Variants in PRPSAP2 observed in about 807,000 individuals in gnomAD.
PRPSAP2 encodes phosphoribosyl pyrophosphate synthetase associated protein 2.
PRPSAP2 carries 24 observed loss-of-function variants against 40.6 expected under a neutral mutation model. That is an observed-to-expected ratio of 0.59 (90% confidence interval 0.43 to 0.83). The LOEUF (loss-of-function observed/expected upper bound fraction) is 0.83. Among genes scored for constraint, PRPSAP2 ranks in the 40% least tolerant of loss-of-function variants. PRPSAP2 has a pLI of 0.00. For missense variants in PRPSAP2, 292 were observed against 465.6 expected (o/e 0.63, Z 3.43); for synonymous variants, 149 against 164.7 (o/e 0.90, Z 0.73).
chr17:18,877,117 A>C (rs183130015), intron 5 of PRPSAP2, among the ~76,000 whole-genome samples: 4 of 152,334 alleles, frequency 2.6e-5, no homozygotes, highest in African/African-American at 7.2e-5. Context: ...AGAGAGGGGC[A>C]TTCTGGAAGC....
rs549429271 is a variant in PRPSAP2 at position 18,862,875 on chromosome 17, C to T, written c.-128-2594C>T. Among the ~76,000 whole-genome samples, 28 of 151,746 alleles carry T rather than the reference C, an allele frequency of 1.8e-4. No homozygotes were observed. In the East Asian group the frequency reaches 4.8e-3, roughly 26 times the overall value. On this transcript the variant is annotated intron_variant, in intron 1 of 11. Coordinates refer to ENST00000268835, the MANE Select transcript of PRPSAP2 (RefSeq NM_002767.4). ...TCGCTCTGTCTCCCAGGCTGGAGTGCAGTGGCATGATCTCAGCTCACTGCC... is the reference window on the plus strand; with the variant it reads ...TCGCTCTGTCTCCCAGGCTGGAGTGTAGTGGCATGATCTCAGCTCACTGCC...
chr17:18,918,076 A>G (rs1443355998), intron 9 of PRPSAP2, among the ~76,000 whole-genome samples: 2 of 151,962 alleles, frequency 1.3e-5, no homozygotes, highest in East Asian at 3.9e-4. Context: ...AATAGAGGGA[A>G]AAAAAAACCA....
At chr17:18,896,580 CTTTTTT>C (rs58391876) in intron 8 of PRPSAP2, among the ~76,000 whole-genome samples, 20 of 104,762 alleles carry the variant, frequency 1.9e-4, no homozygotes, top group Middle Eastern at 6.4e-3. Context: ...CCAGATTTTC[CTTTTTT>C]TTTTTTTTTT....
chr17:18,908,275 G>A, intron 8 of PRPSAP2: 1 of 769,808 alleles, frequency 1.3e-6, no homozygotes, highest in East Asian at 2.4e-5. Context: ...CGCTTTCGCA[G>A]CACGCCAAGG....
chr17:18,926,659 C>A (rs533628178), intron 10 of PRPSAP2, among the ~76,000 whole-genome samples: 1 of 152,294 alleles, frequency 6.6e-6, no homozygotes, highest in Non-Finnish European at 1.5e-5. Context: ...CCTGTGTATT[C>A]ATTACCCAGC....
At position 18,865,964 on chromosome 17, in the gene PRPSAP2, T is replaced by G. The variant is rs2037394363; in HGVS notation, c.119+12T>G. On this transcript the variant is annotated intron_variant, in intron 3 of 11. Transcript: ENST00000268835. ...AAGAAAATTGCAGAGTGAGTTATAA[T>G]TGTACCATTAAAATCTATATTCATT... The G allele has an allele frequency of 7.1e-7, 1 of 1,401,658 alleles. No individual in the cohort carries two copies. Among genetic ancestry groups the G allele is most frequent in the Non-Finnish European group, 9.4e-7 (1 of 1,058,878 alleles). The allele number at this position is 1,401,658 out of a possible 1,614,324, so 86.8% of individuals were successfully genotyped here.
intron 3 of PRPSAP2, among the ~76,000 whole-genome samples, chr17:18,867,071 G>A (rs1050720614): frequency 4.6e-5 from 7 of 152,112 alleles, no homozygotes; most frequent in African/African-American, 1.2e-4. Flanking sequence ...CAGGCAGAGC[G>A]GGACTGCATA....
chr17:18,894,595 C>T (rs746986908), intron 8 of PRPSAP2, among the ~76,000 whole-genome samples: 43 of 150,718 alleles, frequency 2.9e-4, no homozygotes, highest in Non-Finnish European at 5.5e-4. Context: ...TTCTCTGCCT[C>T]ACCTCCTGAG....
intron 11 of PRPSAP2, among the ~76,000 whole-genome samples, chr17:18,929,989 G>A (rs1026305748): frequency 3.3e-5 from 5 of 152,242 alleles, no homozygotes; most frequent in Admixed American, 3.3e-4. Context: ...AGTTGGGGGG[G>A]GGCTCCAGTT....
At chr17:18,913,010 G>A (rs2041057988) in intron 9 of PRPSAP2, among the ~76,000 whole-genome samples, 1 of 152,252 alleles carries the variant, frequency 6.6e-6, no homozygotes. Context: ...CACTCCCACA[G>A]CTTTGCTGGG....
rs183698245 is a variant in PRPSAP2 at position 18,865,167 on chromosome 17, G to C, written c.-128-302G>C. On this transcript the variant is annotated intron_variant, in intron 1 of 11. Coordinates refer to ENST00000268835, the MANE Select transcript of PRPSAP2 (RefSeq NM_002767.4). The stretch of plus-strand genomic sequence containing the variant: ...ACCAGCACTGATGATTTATAAGCCA[G>C]GGACCTTTTTATTTTTGGCCCACTG... Among the ~76,000 whole-genome samples, 3 of 152,236 alleles carry C rather than the reference G, an allele frequency of 2.0e-5. No individual in the cohort carries two copies. The East Asian group carries it at 5.8e-4, about 29-fold the overall frequency.
intron 3 of PRPSAP2, among the ~76,000 whole-genome samples, 180 bp from the exon 4 acceptor site, chr17:18,867,102 G>A (rs1425148589): frequency 1.3e-5 from 2 of 152,154 alleles, no homozygotes; most frequent in Non-Finnish European, 1.5e-5. Context: ...GGGAGACATG[G>A]GGTTGGGGTG....
intron 8 of PRPSAP2, among the ~76,000 whole-genome samples, 186 bp downstream of exon 8, chr17:18,890,063 CTT>C (rs2039444379): frequency 6.6e-6 from 1 of 151,840 alleles, no homozygotes; most frequent in Non-Finnish European, 1.5e-5. Context: ...AATTTCCTCT[CTT>C]TTTTTTCCAA....
intron 5 of PRPSAP2, among the ~76,000 whole-genome samples, chr17:18,873,748 A>G (rs2151896795): frequency 6.6e-6 from 1 of 152,258 alleles, no homozygotes; most frequent in African/African-American, 2.4e-5. Context: ...TACTGAAGGA[A>G]TGTGTATTCC....
At chr17:18,857,061 C>T (rs1438618566), upstream of PRPSAP2, among the ~76,000 whole-genome samples, 3 of 152,116 alleles carry the variant, frequency 2.0e-5, no homozygotes, top group African/African-American at 7.2e-5. Context: ...TGGCTGGGCG[C>T]GATGGCTCAC....
chr17:18,887,842 T>C lies in PRPSAP2; in HGVS notation c.529-1980T>C, dbSNP rs1345670792. Among the ~76,000 whole-genome samples the C allele has an allele frequency of 1.9e-5, 2 of 103,214 alleles. 1 individual carries two copies. The highest frequency in any genetic ancestry group is 7.4e-5 in the African/African-American group (2 of 27,152). 67.7% of individuals were successfully genotyped at this position (103,214 alleles called of 152,430 possible). On this transcript the variant is annotated intron_variant, in intron 7 of 11. Coordinates refer to ENST00000268835, the MANE Select transcript of PRPSAP2 (RefSeq NM_002767.4). ...TTTCATAATAACTTGTTCTTTCTTT[T>C]TTTTTTTTTTAATTTATTTTTTTAT...
intron 8 of PRPSAP2, chr17:18,908,379 A>C (rs895703753): frequency 2.6e-6 from 2 of 770,742 alleles, no homozygotes; most frequent in Middle Eastern, 3.6e-4. Flanking sequence ...CCTGAGCAAG[A>C]AATTAAAACA....
chr17:18,885,931 C>T (rs1597607567), intron 7 of PRPSAP2, among the ~76,000 whole-genome samples: 1 of 152,230 alleles, frequency 6.6e-6, no homozygotes, highest in Middle Eastern at 3.4e-3. Context: ...CCGTGTTGGC[C>T]AGGCTGGTCT....
intron 9 of PRPSAP2, among the ~76,000 whole-genome samples, chr17:18,921,117 T>G (rs1329326372): frequency 6.6e-6 from 1 of 152,148 alleles, no homozygotes; most frequent in African/African-American, 2.4e-5. Context: ...CAGCCTCTTG[T>G]AAACAGCATT....
Sources: gnomAD v4.1 joint callset for allele counts (sites outside exome capture counted in the v4.1 genomes callset) on GRCh38, gnomAD v4.1.1 for gene constraint, MANE v1.5 for transcripts, NCBI Gene and HGNC (gene_info 2026-07-23, HGNC 2026-07-21) for gene names.